The following DSCAM variants were observed in gnomAD, a reference collection of about 807,000 sequenced individuals.
DSCAM encodes cell adhesion molecule DSCAM.
In DSCAM, 47 loss-of-function variants were observed where a neutral mutation model predicts 217.7. The ratio of observed to expected loss-of-function variants is 0.22; its 90% CI spans 0.17 to 0.28. The LOEUF is 0.28. Ranked by LOEUF, DSCAM falls within the 10% of genes least tolerant of loss-of-function variation. The pLI, the probability that DSCAM is intolerant of heterozygous loss-of-function variation, is 1.00. For missense variants in DSCAM, 2,080 were observed against 2,618.3 expected, an observed-to-expected ratio of 0.79 and a Z score of 4.49; for synonymous variants, 1,056 against 1,015.3, an observed-to-expected ratio of 1.04 and a Z score of -0.76.
At chr21:40,278,649 G>A (rs539596616) in intron 10 of DSCAM, among the ~76,000 whole-genome samples, 4 of 152,096 alleles carry the variant, frequency 2.6e-5, no homozygotes, top group African/African-American at 9.6e-5. Context: ...GGCTGAGGTG[G>A]GTTTGAGGTT....
intron 20 of DSCAM, among the ~76,000 whole-genome samples, chr21:40,097,742 C>A (rs2146600747): frequency 1.3e-5 from 2 of 151,824 alleles, no homozygotes; most frequent in South Asian, 4.2e-4. Context: ...GAGATTAAGA[C>A]CATCCTAGCC....
At chr21:40,392,135 T>C (rs1015301066) in intron 3 of DSCAM, among the ~76,000 whole-genome samples, 4 of 152,190 alleles carry the variant, frequency 2.6e-5, no homozygotes, top group Non-Finnish European at 5.9e-5. Flanking sequence ...ACATCTTAAA[T>C]CTCATATTCA....
chr21:40,674,626 CTTTTTCT>C (rs568404967), intron 3 of DSCAM, among the ~76,000 whole-genome samples: 25,734 of 104,742 alleles, frequency 0.25, 1,415 homozygotes, highest in Admixed American at 0.33. Context: ...TTTTCTTTTT[CTTTTTCT>C]TTTTTTTTTT....
chr21:40,261,650 TCTACACACAC>T (rs950283262), intron 11 of DSCAM, among the ~76,000 whole-genome samples: 33 of 112,744 alleles, frequency 2.9e-4, no homozygotes, highest in African/African-American at 8.1e-4. Flanking sequence ...TCTCTCTCTC[TCTACACACAC>T]ACACACACAC....
intron 3 of DSCAM, among the ~76,000 whole-genome samples, chr21:40,612,307 T>C (rs2089326419): frequency 6.6e-6 from 1 of 152,132 alleles, no homozygotes; most frequent in Admixed American, 6.5e-5. Context: ...GGTCCTGAGA[T>C]CTCCAAGTTC....
chr21:40,318,218 G>A (rs1167078476), intron 8 of DSCAM, among the ~76,000 whole-genome samples: 2 of 151,138 alleles, frequency 1.3e-5, no homozygotes, highest in Admixed American at 6.6e-5. Flanking sequence ...ATAGCATTAG[G>A]AGATATACCT....
Position 40,179,051 on chromosome 21 carries a change from C to T in DSCAM, c.2823G>A (p.Gln941=). The part of the protein sequence containing the change: ...SAQRTKDVSP[Q]LNSATIIDIH... ...TATCAATGATGGTGGCCGAGTTCAG[C>T]TGAGGGGAAACATCTTTGGTTCTCT... The change falls in exon 15 of 33, where the codon CAG becomes CAA. Residue 941 remains glutamine (Q), a synonymous_variant. Transcript: ENST00000400454. 1 of 1,613,992 alleles carries T rather than the reference C, an allele frequency of 6.2e-7. No individual in the cohort carries two copies. The highest frequency in any genetic ancestry group is 8.5e-7 in the Non-Finnish European group (1 of 1,180,006).
At chr21:40,501,141 A>C (rs1173436033) in intron 3 of DSCAM, among the ~76,000 whole-genome samples, 1 of 152,230 alleles carries the variant, frequency 6.6e-6, no homozygotes, top group Non-Finnish European at 1.5e-5. Context: ...AATGTTAGTT[A>C]CATAATGCAT....
At chr21:40,695,971 GC>G (rs1270002146) in intron 2 of DSCAM, among the ~76,000 whole-genome samples, 1 of 152,006 alleles carries the variant, frequency 6.6e-6, no homozygotes, top group Non-Finnish European at 1.5e-5. Context: ...AGTTTCCTGA[GC>G]CCATAGTCAG....
intron 3 of DSCAM, among the ~76,000 whole-genome samples, chr21:40,665,297 A>G (rs2090187698): frequency 6.6e-6 from 1 of 152,182 alleles, no homozygotes; most frequent in South Asian, 2.1e-4. Flanking sequence ...AGAAGAGACC[A>G]GCCAGGCCCT....
intron 3 of DSCAM, among the ~76,000 whole-genome samples, chr21:40,421,184 G>A (rs982192298): frequency 6.6e-6 from 1 of 152,106 alleles, no homozygotes; most frequent in Admixed American, 6.5e-5. Flanking sequence ...GAGAGGAGCT[G>A]GTATCACCAC....
intron 3 of DSCAM, among the ~76,000 whole-genome samples, chr21:40,376,510 C>A (rs376860137): frequency 0.025 from 1,825 of 72,576 alleles, 113 homozygotes; most frequent in Non-Finnish European, 0.03. Context: ...TATCTTATAT[C>A]GATATCTATA....
chr21:40,670,072 C>T (rs1418078480), intron 3 of DSCAM, among the ~76,000 whole-genome samples: 1 of 152,032 alleles, frequency 6.6e-6, no homozygotes, highest in Non-Finnish European at 1.5e-5. Flanking sequence ...AGTACTAGTT[C>T]AAGTTAATTC....
At chr21:40,105,742 TA>T (rs2089811365) in intron 20 of DSCAM, among the ~76,000 whole-genome samples, 1 of 152,128 alleles carries the variant, frequency 6.6e-6, no homozygotes, top group Non-Finnish European at 1.5e-5. Context: ...GATAAACTTA[TA>T]AAAAACAACA....
At chr21:40,597,231 G>A (rs929182626) in intron 3 of DSCAM, among the ~76,000 whole-genome samples, 2 of 152,120 alleles carry the variant, frequency 1.3e-5, no homozygotes, top group African/African-American at 4.8e-5. Flanking sequence ...TGCCTGACTG[G>A]AGGGCACTGC....
At chr21:40,489,544 G>A (rs563312815) in intron 3 of DSCAM, among the ~76,000 whole-genome samples, 17 of 152,112 alleles carry the variant, frequency 1.1e-4, no homozygotes, top group Non-Finnish European at 5.9e-5. Flanking sequence ...GGAGGCCGAG[G>A]CGGGCGGATC....
At chr21:40,123,711 G>A (rs2090059701) in intron 20 of DSCAM, among the ~76,000 whole-genome samples, 1 of 142,750 alleles carries the variant, frequency 7.0e-6, no homozygotes, top group African/African-American at 2.5e-5. Flanking sequence ...GCACAATAGG[G>A]TTTTGCCTGC....
chr21:40,789,553 ATTTTTT>A (rs3071032), intron 1 of DSCAM, among the ~76,000 whole-genome samples: 1 of 128,760 alleles, frequency 7.8e-6, no homozygotes. Flanking sequence ...GAGTAGATTG[ATTTTTT>A]TTTTTTTTTT....
At chr21:40,575,303 GT>G (rs1277916553) in intron 3 of DSCAM, among the ~76,000 whole-genome samples, 19 of 150,498 alleles carry the variant, frequency 1.3e-4, no homozygotes, top group Admixed American at 1.2e-3. Context: ...CCCCATCTCT[GT>G]TCGCTGACTC....
Sources: gnomAD v4.1 joint callset for allele counts (sites outside exome capture counted in the v4.1 genomes callset) on GRCh38, gnomAD v4.1.1 for gene constraint, MANE v1.5 for transcripts, NCBI Gene and HGNC (gene_info 2026-07-23, HGNC 2026-07-21) for gene names.